RPS6KA5: variants seen among roughly 807,000 people sequenced by gnomAD.
RPS6KA5 encodes ribosomal protein S6 kinase alpha-5.
Under a neutral mutation model 85.5 loss-of-function variants are expected in RPS6KA5, and 27 were observed. That is an observed-to-expected ratio of 0.32 (90% CI 0.23 to 0.44). RPS6KA5 has a LOEUF of 0.44. RPS6KA5 is among the 20% of genes least tolerant of loss of function. The pLI is 1.00. For synonymous variants in RPS6KA5, 334 were observed against 348.2 expected (o/e 0.96, Z 0.46); for missense variants, 811 against 980.9 (o/e 0.83, Z 2.31).
At position 90,870,389 on chromosome 14, in the gene RPS6KA5, G is replaced by A. The variant is rs530310249; in HGVS notation, c.*1685C>T. The A allele has an allele frequency of 6.6e-6, 1 of 152,020 alleles. No homozygotes were observed. The highest frequency in any genetic ancestry group is 1.5e-5 in the Non-Finnish European group (1 of 67,980). The allele number at this position is 152,020 out of a possible 1,614,324, so 9.4% of individuals were successfully genotyped here. A position where few individuals can be genotyped will look rare whatever the true frequency, so the allele number is the denominator to read the frequency against. On this transcript the variant is annotated 3_prime_UTR_variant, in exon 17 of 17. Transcript: ENST00000614987. Reference sequence around the variant, plus strand: ...AACTCAATATTATGTAGCCATTTGGGCCAGCAAAAAGTGTAAAATATTATT... The same window carrying A: ...AACTCAATATTATGTAGCCATTTGGACCAGCAAAAAGTGTAAAATATTATT...
At position 90,852,002 on chromosome 14, in the gene RPS6KA5, C is replaced by T. The variant is rs988640341; in HGVS notation, c.*20072G>A. The T allele has an allele frequency of 3.3e-5, 5 of 150,514 alleles. No individual in the cohort carries two copies. The highest frequency in any genetic ancestry group is 7.4e-5 in the Non-Finnish European group (5 of 67,756). 9.3% of individuals were successfully genotyped at this position (150,514 alleles called of 1,614,324 possible). A position where few individuals can be genotyped will look rare whatever the true frequency, so the allele number is the denominator to read the frequency against. ...ATCTAAAGAAATAAACAGTATTATT[C>T]AGTAATAGTCCTAGTATATAAAAAC... is the stretch of plus-strand genomic sequence containing the variant. On this transcript the variant is annotated 3_prime_UTR_variant, in exon 17 of 17. Coordinates refer to ENST00000614987, the MANE Select transcript of RPS6KA5 (RefSeq NM_004755.4).
chr14:90,921,563 C>G (rs2036401462), intron 6 of RPS6KA5, among the ~76,000 whole-genome samples: 1 of 152,254 alleles, frequency 6.6e-6, no homozygotes. Context: ...GCAAACTAAG[C>G]CAGCAATTAA....
chr14:91,039,033 G>T (rs2042504165), intron 1 of RPS6KA5, among the ~76,000 whole-genome samples: 1 of 152,130 alleles, frequency 6.6e-6, no homozygotes, highest in Non-Finnish European at 1.5e-5. Context: ...GATTTCAAAA[G>T]CTAAAAGAGG....
chr14:91,002,856 G>C (rs1047525401), intron 1 of RPS6KA5, among the ~76,000 whole-genome samples: 2 of 151,848 alleles, frequency 1.3e-5, no homozygotes, highest in Non-Finnish European at 2.9e-5. Flanking sequence ...CTATTTTTAA[G>C]AGTTTTACTA....
chr14:90,958,630 C>T (rs888182108), intron 3 of RPS6KA5, among the ~76,000 whole-genome samples: 2 of 151,946 alleles, frequency 1.3e-5, no homozygotes, highest in African/African-American at 4.8e-5. Flanking sequence ...ATATATCTTC[C>T]TAAGGTTTGT....
chr14:90,902,865 T>A lies in RPS6KA5; in HGVS notation c.1062A>T (p.Glu354Asp). 6.2e-7 allele frequency: 1 copy of A among 1,614,070 alleles called. No individual in the cohort carries two copies. Among genetic ancestry groups the A allele is most frequent in the African/African-American group, 1.3e-5 (1 of 75,028 alleles). Residue 354 changes from glutamate to aspartate, a missense_variant, in exon 9 of 17, where the codon GAA becomes GAT. Coordinates refer to ENST00000614987, the MANE Select transcript of RPS6KA5 (RefSeq NM_004755.4). Reference sequence around the variant, plus strand: ...CTGCGGGAGAATAAGTGGGATCCATTTCTGTGAACTCTTCTGCAAAGTTAC... The same window carrying A: ...CTGCGGGAGAATAAGTGGGATCCATATCTGTGAACTCTTCTGCAAAGTTAC... ...DVSNFAEEFT[E>D]MDPTYSPAAL...
intron 1 of RPS6KA5, among the ~76,000 whole-genome samples, chr14:91,041,459 A>G (rs2042603874): frequency 6.6e-6 from 1 of 152,242 alleles, no homozygotes; most frequent in South Asian, 2.1e-4. Context: ...TAAATTATTT[A>G]TAAAGCAATT....
intron 2 of RPS6KA5, among the ~76,000 whole-genome samples, chr14:90,983,840 TTTC>T (rs1471554752): frequency 7.4e-6 from 1 of 135,234 alleles, no homozygotes; most frequent in Non-Finnish European, 1.5e-5. Flanking sequence ...TCTCTCTCTC[TTTC>T]TTTTTTTCTT....
At chr14:90,962,221 T>A (rs2038833325) in intron 3 of RPS6KA5, among the ~76,000 whole-genome samples, 2 of 152,262 alleles carry the variant, frequency 1.3e-5, no homozygotes, top group African/African-American at 4.8e-5. Flanking sequence ...ATTGTTAGTC[T>A]AGGAAGTACA....
intron 7 of RPS6KA5, among the ~76,000 whole-genome samples, chr14:90,917,733 C>CTTT (rs71117388): frequency 0.62 from 94,118 of 151,116 alleles, 31,007 homozygotes; most frequent in East Asian, 0.87. Context: ...CAAATCATTC[C>CTTT]TTTTTTTTAA....
intron 14 of RPS6KA5, among the ~76,000 whole-genome samples, chr14:90,889,340 T>C (rs1227716580): frequency 9.5e-6 from 1 of 105,348 alleles, no homozygotes; most frequent in African/African-American, 3.5e-5. Context: ...AAAGAGAAAA[T>C]ACTAATGTTC....
At chr14:90,927,401 T>G (rs1018076176) in intron 5 of RPS6KA5, among the ~76,000 whole-genome samples, 3 of 151,980 alleles carry the variant, frequency 2.0e-5, no homozygotes, top group African/African-American at 7.2e-5. Context: ...AACTCACCAG[T>G]TAAAAGACAG....
At chr14:90,992,221 AT>A (rs1245298395) in intron 2 of RPS6KA5, among the ~76,000 whole-genome samples, 2 of 152,196 alleles carry the variant, frequency 1.3e-5, no homozygotes, top group Non-Finnish European at 2.9e-5. Flanking sequence ...CAAAACTGTG[AT>A]TTTTTAAAGG....
intron 1 of RPS6KA5, among the ~76,000 whole-genome samples, chr14:91,009,268 G>C (rs1045041011): frequency 1.3e-5 from 2 of 152,366 alleles, no homozygotes; most frequent in South Asian, 2.1e-4. Context: ...GCTAGAGCGA[G>C]CCTGCTGGCC....
At chr14:90,899,715 C>T (rs2035050813) in intron 11 of RPS6KA5, among the ~76,000 whole-genome samples, 1 of 152,154 alleles carries the variant, frequency 6.6e-6, no homozygotes, top group African/African-American at 2.4e-5. Flanking sequence ...TAATAATCAT[C>T]AGTTACCAAA....
At chr14:90,949,988 T>C (rs1658839002) in intron 3 of RPS6KA5, among the ~76,000 whole-genome samples, 1 of 152,208 alleles carries the variant, frequency 6.6e-6, no homozygotes, top group African/African-American at 2.4e-5. Flanking sequence ...GTATACTTTG[T>C]AAGTTGTACA....
chr14:90,970,103 A>C (rs1026324081), intron 3 of RPS6KA5, among the ~76,000 whole-genome samples: 2 of 152,166 alleles, frequency 1.3e-5, no homozygotes, highest in Non-Finnish European at 2.9e-5. Context: ...TTTTAATGTC[A>C]TGCCAAAACC....
At chr14:91,032,129 G>A (rs1018373105) in intron 1 of RPS6KA5, among the ~76,000 whole-genome samples, 6 of 152,180 alleles carry the variant, frequency 3.9e-5, no homozygotes, top group Non-Finnish European at 8.8e-5. Flanking sequence ...CTCCCTTGCA[G>A]AATGATGACC....
chr14:91,004,232 C>T (rs2140600827), intron 1 of RPS6KA5, among the ~76,000 whole-genome samples: 1 of 152,270 alleles, frequency 6.6e-6, no homozygotes, highest in Non-Finnish European at 1.5e-5. Context: ...CCTACAGGCG[C>T]CCGCCACCAC....
Sources: gnomAD v4.1 joint callset for allele counts (sites outside exome capture counted in the v4.1 genomes callset) on GRCh38, gnomAD v4.1.1 for gene constraint, MANE v1.5 for transcripts, NCBI Gene and HGNC (gene_info 2026-07-23, HGNC 2026-07-21) for gene names.